The following ADAMTS19 variants were observed in gnomAD, a reference collection of about 807,000 sequenced individuals.
The protein encoded by ADAMTS19 is ADAM metallopeptidase with thrombospondin type 1 motif 19.
Under a neutral mutation model 153.3 loss-of-function variants are expected in ADAMTS19, and 93 were observed. The ratio of observed to expected loss-of-function variants is 0.61; its 90% confidence interval spans 0.51 to 0.72. ADAMTS19 has a LOEUF of 0.72. Ranked by LOEUF, ADAMTS19 falls within the 30% of genes least tolerant of loss-of-function variation. The probability of loss-of-function intolerance (pLI) is 0.00; values close to 1 mark genes in which losing one functional copy is unlikely to be tolerated. For synonymous variants in ADAMTS19, 600 were observed against 556.6 expected, an observed-to-expected ratio of 1.08 and a Z score of -1.10; for missense variants, 1,482 against 1,552.1, an observed-to-expected ratio of 0.95 and a Z score of 0.76.
intron 16 of ADAMTS19, among the ~76,000 whole-genome samples, chr5:129,673,528 C>T (rs548989954): frequency 6.6e-6 from 1 of 152,096 alleles, no homozygotes; most frequent in Admixed American, 6.5e-5. Context: ...AGTGTAATTT[C>T]AATTTTGAGA....
At chr5:129,731,621 G>A (rs912490914) in intron 21 of ADAMTS19, among the ~76,000 whole-genome samples, 1 of 152,024 alleles carries the variant, frequency 6.6e-6, no homozygotes, top group Non-Finnish European at 1.5e-5. Flanking sequence ...GAGATAATGA[G>A]GATTTGTGCA....
chr5:129,500,988 T>A (rs1201367369), intron 2 of ADAMTS19, among the ~76,000 whole-genome samples: 3 of 152,180 alleles, frequency 2.0e-5, no homozygotes, highest in Non-Finnish European at 4.4e-5. Context: ...TATGCCTGTG[T>A]GTACATGCAA....
rs74547157 is a variant in ADAMTS19, at chr5:129,721,311, G to A, written c.3313-13621G>A. On this transcript the variant is annotated intron_variant, in intron 21 of 22. Transcript: ENST00000274487. ...AAAATAATGAAAATTTAGCAACAGAGTACTTTCATGTCTTCTGTGTAGCAT... is the reference window on the plus strand; with the variant it reads ...AAAATAATGAAAATTTAGCAACAGAATACTTTCATGTCTTCTGTGTAGCAT... Among the ~76,000 whole-genome samples the A allele has an allele frequency of 9.0e-3, 1,370 of 152,218 alleles. 12 individuals carry two copies. The highest frequency in any genetic ancestry group is 0.013 in the Non-Finnish European group (888 of 67,994).
rs149286655 is a variant in ADAMTS19 at position 129,507,709 on chromosome 5, CGAGA to C, written c.748-1347_748-1344del. On this transcript the variant is annotated intron_variant, in intron 2 of 22. Coordinates refer to ENST00000274487, the MANE Select transcript of ADAMTS19 (RefSeq NM_133638.6). ...GCGAGAGCCAGAGTGAGATCTAGAG[CGAGA>C]GAGAGAGAGAGAGAGAGAGATTGAG... Among the ~76,000 whole-genome samples the C allele has an allele frequency of 1.7e-3, 219 of 132,638 alleles. 2 individuals are homozygous for C. The highest frequency in any genetic ancestry group is 2.9e-3 in the Admixed American group (38 of 13,018). 87.0% of individuals were successfully genotyped at this position (132,638 alleles called of 152,430 possible). A position where few individuals can be genotyped will look rare whatever the true frequency, so the allele number is the denominator to read the frequency against.
intron 8 of ADAMTS19, among the ~76,000 whole-genome samples, chr5:129,616,510 A>G (rs1751536526): frequency 6.6e-6 from 1 of 152,038 alleles, no homozygotes; most frequent in African/African-American, 2.4e-5. Context: ...TTCTTTGAAC[A>G]TCAAAAGGGA....
chr5:129,523,738 A>G (rs1255035389), intron 3 of ADAMTS19, among the ~76,000 whole-genome samples: 1 of 152,174 alleles, frequency 6.6e-6, no homozygotes, highest in Non-Finnish European at 1.5e-5. Flanking sequence ...GAGAATACCT[A>G]GGAATTCAAC....
At position 129,698,721 on chromosome 5, in the gene ADAMTS19, A is replaced by G. The variant is rs536407664; in HGVS notation, c.2955-2667A>G. Among the ~76,000 whole-genome samples, 5 of 152,320 alleles carry G rather than the reference A, an allele frequency of 3.3e-5. No homozygotes were observed. In the South Asian group the frequency reaches 6.2e-4, roughly 19 times the overall value. ...CTTCTCTTTTCAGTATGGAGAACCC[A>G]GTAGTGTCTTCTGAGTTCCATAGTT... is the stretch of plus-strand genomic sequence containing the variant. On this transcript the variant is annotated intron_variant, in intron 19 of 22. Transcript: ENST00000274487.
chr5:129,634,116 G>T (rs188933490), intron 10 of ADAMTS19, among the ~76,000 whole-genome samples: 106 of 152,258 alleles, frequency 7.0e-4, no homozygotes, highest in African/African-American at 2.5e-3. Context: ...CAAAGATGAT[G>T]AACTAACCTT....
chr5:129,607,004 A>G (rs958640498), intron 8 of ADAMTS19, among the ~76,000 whole-genome samples: 4 of 152,096 alleles, frequency 2.6e-5, no homozygotes, highest in Admixed American at 1.3e-4. Flanking sequence ...AGCAACCTCC[A>G]TCTCCTGGGT....
intron 21 of ADAMTS19, among the ~76,000 whole-genome samples, chr5:129,724,570 C>G (rs1008285969): frequency 6.6e-6 from 1 of 152,016 alleles, no homozygotes; most frequent in Non-Finnish European, 1.5e-5. Context: ...GGTAAATACC[C>G]GAGGTTTGTT....
At chr5:129,593,111 TCATAGGGCTGGAACAAGAAAGAA>T (rs1357583536) in intron 7 of ADAMTS19, among the ~76,000 whole-genome samples, 4 of 152,130 alleles carry the variant, frequency 2.6e-5, no homozygotes, top group Non-Finnish European at 4.4e-5. Context: ...GGCCCCTGTA[TCATAGGGCTGGAACAAGAAAGAA>T]ACAAAAGTTG....
chr5:129,636,750 G>T (rs968489008), intron 10 of ADAMTS19, among the ~76,000 whole-genome samples: 1 of 152,122 alleles, frequency 6.6e-6, no homozygotes, highest in Non-Finnish European at 1.5e-5. Flanking sequence ...CTAAAATAAG[G>T]TTTATAATTA....
At chr5:129,536,113 G>C (rs1302079784) in intron 6 of ADAMTS19, among the ~76,000 whole-genome samples, 1 of 152,086 alleles carries the variant, frequency 6.6e-6, no homozygotes, top group African/African-American at 2.4e-5. Context: ...ACTACCATTG[G>C]AATGAACAGG....
At chr5:129,553,956 A>G (rs559775879) in intron 7 of ADAMTS19, among the ~76,000 whole-genome samples, 2 of 152,112 alleles carry the variant, frequency 1.3e-5, no homozygotes, top group Non-Finnish European at 2.9e-5. Flanking sequence ...ATTTTGTCTA[A>G]ATAAAAATAA....
At chr5:129,503,846 C>T (rs1437213165) in intron 2 of ADAMTS19, among the ~76,000 whole-genome samples, 3 of 152,088 alleles carry the variant, frequency 2.0e-5, no homozygotes. Context: ...AAGAACCTTA[C>T]ATAGAAGTTC....
chr5:129,684,563 A>T (rs2127127989), intron 18 of ADAMTS19, among the ~76,000 whole-genome samples: 1 of 145,534 alleles, frequency 6.9e-6, no homozygotes, highest in Non-Finnish European at 1.5e-5. Context: ...ATATTTGTTT[A>T]CAGGGGCCTC....
intron 17 of ADAMTS19, among the ~76,000 whole-genome samples, chr5:129,683,818 A>G (rs1347874171): frequency 1.3e-5 from 2 of 150,104 alleles, no homozygotes; most frequent in East Asian, 3.9e-4. Flanking sequence ...TAGTCCATCA[A>G]ATTGAAAGAA....
At chr5:129,518,572 T>C (rs1751689378) in intron 3 of ADAMTS19, among the ~76,000 whole-genome samples, 1 of 151,962 alleles carries the variant, frequency 6.6e-6, no homozygotes, top group African/African-American at 2.4e-5. Context: ...TGGAGCTCAA[T>C]TGTATGTTTT....
intron 2 of ADAMTS19, among the ~76,000 whole-genome samples, chr5:129,480,087 T>TATTGGAAC (rs1288121481): frequency 9.2e-5 from 14 of 152,230 alleles, no homozygotes; most frequent in African/African-American, 3.4e-4. Context: ...AATAATCTGA[T>TATTGGAAC]ATTGGAACAA....
Sources: allele counts gnomAD v4.1 joint callset (sites outside exome capture counted in the v4.1 genomes callset), GRCh38; gene constraint gnomAD v4.1.1; transcripts MANE v1.5; gene names NCBI Gene and HGNC (gene_info 2026-07-23, HGNC 2026-07-21).